Variants in COL11A1 observed in about 807,000 individuals in gnomAD.
COL11A1 encodes collagen alpha-1(XI) chain.
Under a neutral mutation model 265.2 loss-of-function variants are expected in COL11A1, and 74 were observed. The ratio of observed to expected loss-of-function variants is 0.28; its 90% CI spans 0.23 to 0.34. The LOEUF (loss-of-function observed/expected upper bound fraction) is 0.34. Among genes scored for constraint, COL11A1 ranks in the 10% least tolerant of loss-of-function variants. COL11A1 has a pLI of 1.00. For missense variants in COL11A1, 2,165 were observed against 2,263.6 expected (o/e 0.96, Z 0.88); for synonymous variants, 816 against 727.6 (o/e 1.12, Z -1.96).
At chr1:103,093,394 G>C (rs1673481653) in intron 1 of COL11A1, among the ~76,000 whole-genome samples, 1 of 152,046 alleles carries the variant, frequency 6.6e-6, no homozygotes, top group Non-Finnish European at 1.5e-5. Flanking sequence ...AAGAATAGCT[G>C]CCTGAACAGG....
chr1:103,024,480 A>G (rs978512644), intron 7 of COL11A1, among the ~76,000 whole-genome samples: 2 of 152,132 alleles, frequency 1.3e-5, no homozygotes, highest in African/African-American at 2.4e-5. Context: ...ATGATGAGTA[A>G]TTTTTCACTA....
chr1:103,065,133 T>A (rs1285718615), intron 4 of COL11A1, among the ~76,000 whole-genome samples: 1 of 152,150 alleles, frequency 6.6e-6, no homozygotes, highest in East Asian at 1.9e-4. Flanking sequence ...AGGTTATATG[T>A]TGGGGTGGGG....
At chr1:103,066,809 G>A (rs1415019536) in intron 4 of COL11A1, among the ~76,000 whole-genome samples, 1 of 151,856 alleles carries the variant, frequency 6.6e-6, no homozygotes, top group African/African-American at 2.4e-5. Context: ...CTTTAACTAT[G>A]CAGACACATA....
At chr1:103,059,941 A>C (rs1670539093) in intron 4 of COL11A1, among the ~76,000 whole-genome samples, 2 of 152,152 alleles carry the variant, frequency 1.3e-5, no homozygotes, top group Non-Finnish European at 2.9e-5. Context: ...AGAAAAGAAT[A>C]GAACCAACAT....
intron 9 of COL11A1, 41 bp from the exon 10 acceptor site, chr1:103,018,900 A>G: frequency 6.6e-7 from 1 of 1,505,434 alleles, no homozygotes; most frequent in Non-Finnish European, 9.2e-7. Context: ...GGGAAATATA[A>G]CCCCCAACCT....
intron 56 of COL11A1, 68 bp downstream of exon 56, chr1:102,898,598 T>G: frequency 8.0e-7 from 1 of 1,256,052 alleles, no homozygotes; most frequent in South Asian, 1.3e-5. Context: ...ATAGACACCT[T>G]CATTCAAAAT....
chr1:102,883,447 C>A, intron 63 of COL11A1, 136 bp from the exon 64 acceptor site: 1 of 675,040 alleles, frequency 1.5e-6, no homozygotes, highest in Non-Finnish European at 2.7e-6. Context: ...AGCTTTTGGG[C>A]ATATTGGGGT....
Position 103,027,396 on chromosome 1 carries a change from AAT to A in COL11A1, c.781-1066_781-1065del, listed in dbSNP as rs57013059. Among the ~76,000 whole-genome samples, 600 of 91,628 alleles carry A rather than the reference AAT, an allele frequency of 6.5e-3. 3 individuals are homozygous for A. The highest frequency in any genetic ancestry group is 0.014 in the African/African-American group (301 of 21,512). The allele number at this position is 91,628 out of a possible 152,430, so 60.1% of individuals were successfully genotyped here. On this transcript the variant is annotated intron_variant, in intron 5 of 66. Coordinates refer to ENST00000370096, the MANE Select transcript of COL11A1 (RefSeq NM_001854.4). ...AGTAAACTCAACAAGTTAAAACTCT[AAT>A]ATATATATATATATATATATATATA...
chr1:103,031,097 C>A lies in COL11A1; in HGVS notation c.780+19G>T. ...TATCACTGAAATACGAAGACCTTCT[C>A]TGGTCTTGTGCTCCTCACCTCATCT... On this transcript the variant is annotated intron_variant, in intron 5 of 66. Coordinates refer to ENST00000370096, the MANE Select transcript of COL11A1 (RefSeq NM_001854.4). 6.2e-7 allele frequency: 1 copy of A among 1,612,872 alleles called. No homozygotes were observed.
At chr1:102,988,816 T>C (rs1483967214) in intron 29 of COL11A1, among the ~76,000 whole-genome samples, 1 of 152,158 alleles carries the variant, frequency 6.6e-6, no homozygotes, top group East Asian at 1.9e-4. Flanking sequence ...AAAATGTCTC[T>C]CTTTTGTACG....
intron 57 of COL11A1, among the ~76,000 whole-genome samples, chr1:102,894,896 C>T (rs921509170): frequency 6.6e-6 from 1 of 152,140 alleles, no homozygotes; most frequent in Non-Finnish European, 1.5e-5. Context: ...CCACCTCAGC[C>T]TCCCGAGTAG....
chr1:103,006,348 T>C (rs757383397), intron 15 of COL11A1, 33 bp from the exon 16 acceptor site: 6 of 1,572,324 alleles, frequency 3.8e-6, no homozygotes, highest in Admixed American at 1.7e-5. Flanking sequence ...AACCATATTA[T>C]AGAATTCTTG....
At chr1:102,994,587 G>C (rs894806489) in intron 28 of COL11A1, among the ~76,000 whole-genome samples, 6 of 151,896 alleles carry the variant, frequency 4.0e-5, no homozygotes, top group South Asian at 4.1e-4. Flanking sequence ...CCAGTCTCAG[G>C]TATTTCTTAT....
intron 20 of COL11A1, among the ~76,000 whole-genome samples, chr1:103,004,062 T>C (rs1268265162): frequency 6.6e-6 from 1 of 152,178 alleles, no homozygotes; most frequent in African/African-American, 2.4e-5. Flanking sequence ...ATATATTCCA[T>C]ATGTCTGGTA....
chr1:103,084,260 C>T (rs1672677599), intron 1 of COL11A1, among the ~76,000 whole-genome samples: 1 of 152,118 alleles, frequency 6.6e-6, no homozygotes, highest in South Asian at 2.1e-4. Context: ...CAACCTCCTA[C>T]CCCCTGACAA....
At chr1:102,996,979 A>T in intron 26 of COL11A1, 101 bp downstream of exon 26, 2 of 956,274 alleles carry the variant, frequency 2.1e-6, no homozygotes, top group South Asian at 2.8e-5. Flanking sequence ...TACCCAAAAT[A>T]ACTATATGAA....
At chr1:102,886,709 G>A in intron 63 of COL11A1, 98 bp downstream of exon 63, 1 of 1,457,002 alleles carries the variant, frequency 6.9e-7, no homozygotes, top group Non-Finnish European at 9.6e-7. Flanking sequence ...TTTATTTAGA[G>A]ACTGTATTAA....
intron 4 of COL11A1, among the ~76,000 whole-genome samples, chr1:103,036,475 T>C (rs1315428345): frequency 2.0e-5 from 3 of 150,376 alleles, no homozygotes; most frequent in African/African-American, 7.3e-5. Context: ...AAGTAGTTAC[T>C]ATTCTATTTA....
intron 1 of COL11A1, among the ~76,000 whole-genome samples, chr1:103,101,965 G>A (rs1571286912): frequency 6.6e-6 from 1 of 151,966 alleles, no homozygotes; most frequent in Non-Finnish European, 1.5e-5. Context: ...GATAACAGTA[G>A]GTCTGGTGAT....
Sources: allele counts gnomAD v4.1 joint callset (sites outside exome capture counted in the v4.1 genomes callset), GRCh38; gene constraint gnomAD v4.1.1; transcripts MANE v1.5; gene names NCBI Gene and HGNC (gene_info 2026-07-23, HGNC 2026-07-21).